The following SIK3 variants were observed in gnomAD, a reference collection of about 807,000 sequenced individuals.
SIK3 encodes the protein serine/threonine-protein kinase SIK3.
SIK3 carries 28 observed loss-of-function variants against 144.2 expected under a neutral mutation model. The observed-to-expected ratio is 0.19, with a 90% CI of 0.14 to 0.27. The LOEUF (loss-of-function observed/expected upper bound fraction) is 0.27. Among genes scored for constraint, SIK3 ranks in the 10% least tolerant of loss-of-function variants. The pLI, the probability that SIK3 is intolerant of heterozygous loss-of-function variation, is 1.00. For missense variants in SIK3, 1,319 were observed against 1,776.0 expected, an observed-to-expected ratio of 0.74 and a Z score of 4.62; for synonymous variants, 686 against 676.3, an observed-to-expected ratio of 1.01 and a Z score of -0.22.
chr11:116,933,092 T>C (rs1041279050), intron 3 of SIK3, among the ~76,000 whole-genome samples: 4 of 151,950 alleles, frequency 2.6e-5, no homozygotes, highest in Non-Finnish European at 4.4e-5. Flanking sequence ...GTCACCATAA[T>C]GTCCTTAAGA....
At chr11:117,066,630 G>C (rs1466675499) in intron 1 of SIK3, among the ~76,000 whole-genome samples, 1 of 150,354 alleles carries the variant, frequency 6.7e-6, no homozygotes, top group Non-Finnish European at 1.5e-5. Flanking sequence ...TAAACAGCTA[G>C]GCTCAAGTGA....
chr11:117,033,237 A>G (rs963767732), intron 1 of SIK3, among the ~76,000 whole-genome samples: 6 of 152,206 alleles, frequency 3.9e-5, no homozygotes, highest in African/African-American at 1.4e-4. Context: ...GCCACATTCT[A>G]TCAGCACAGC....
chr11:116,914,311 C>A (rs1215206202), intron 4 of SIK3, among the ~76,000 whole-genome samples: 1 of 150,986 alleles, frequency 6.6e-6, no homozygotes, highest in Non-Finnish European at 1.5e-5. Context: ...TGGGTTCAAG[C>A]AATTCTCCTG....
intron 1 of SIK3, among the ~76,000 whole-genome samples, chr11:116,984,089 T>C (rs1289533788): frequency 1.3e-5 from 2 of 150,058 alleles, no homozygotes; most frequent in Non-Finnish European, 1.5e-5. Context: ...CATGGTAGCA[T>C]TCAAGGTTCA....
chr11:117,098,363 C>G lies in SIK3; in HGVS notation c.53G>C (p.Gly18Ala). The change falls in exon 1 of 25, where the codon GGG (glycine) becomes GCG (alanine). Residue 18 changes from glycine to alanine, a missense_variant. Coordinates refer to ENST00000445177, the MANE Select transcript of SIK3 (RefSeq NM_001366686.3). ...GAGGAAGAGT[G>A]GAGPAGRLLP... ...CAGGCGGCCCGCGGGCCCGGCTCCC[C>G]CAGTCCCGGCCCCGGCAGCCCCGCC... 1 of 1,164,898 alleles carries G rather than the reference C, an allele frequency of 8.6e-7. No homozygotes were observed. Among genetic ancestry groups the G allele is most frequent in the Non-Finnish European group, 1.1e-6 (1 of 947,216 alleles). 72.2% of individuals were successfully genotyped at this position (1,164,898 alleles called of 1,614,324 possible). A position where few individuals can be genotyped will look rare whatever the true frequency, so the allele number is the denominator to read the frequency against.
At chr11:116,873,359 CTAAGTTTGGAGAAAAAGGAA>C in intron 13 of SIK3, 102 bp downstream of exon 13, 1 of 1,359,412 alleles carries the variant, frequency 7.4e-7, no homozygotes, top group Non-Finnish European at 1.0e-6. Flanking sequence ...CTGGAGCATC[CTAAGTTTGGAGAAAAAGGAA>C]ATTCAGACAT....
intron 1 of SIK3, among the ~76,000 whole-genome samples, chr11:117,013,613 C>T (rs989957959): frequency 3.9e-5 from 6 of 151,982 alleles, no homozygotes; most frequent in African/African-American, 1.5e-4. Flanking sequence ...AAAGGACACA[C>T]GACTCCAGTT....
chr11:116,920,450 C>G (rs927375392), intron 4 of SIK3, among the ~76,000 whole-genome samples: 2 of 152,174 alleles, frequency 1.3e-5, no homozygotes, highest in South Asian at 2.1e-4. Context: ...CAGTACCTCT[C>G]GCACAAATCA....
intron 1 of SIK3, among the ~76,000 whole-genome samples, chr11:117,008,736 TGA>T (rs1427424947): frequency 6.6e-6 from 1 of 152,180 alleles, no homozygotes; most frequent in Non-Finnish European, 1.5e-5. Flanking sequence ...GGTTAAATAA[TGA>T]ATAATCAAAT....
intron 1 of SIK3, among the ~76,000 whole-genome samples, chr11:117,093,264 T>C (rs1312813179): frequency 6.6e-6 from 1 of 152,246 alleles, no homozygotes; most frequent in East Asian, 1.9e-4. Flanking sequence ...AACTCTTCTT[T>C]AGAGGTGAAA....
At chr11:116,859,206 G>A (rs1943162892) in intron 20 of SIK3, 59 bp downstream of exon 20, 8 of 1,493,974 alleles carry the variant, frequency 5.4e-6, no homozygotes, top group East Asian at 2.3e-5. Flanking sequence ...CTCTGCTAAG[G>A]GGCTTCCTCC....
chr11:116,870,988 G>C (rs1259170752), intron 13 of SIK3, among the ~76,000 whole-genome samples: 1 of 152,202 alleles, frequency 6.6e-6, no homozygotes, highest in Non-Finnish European at 1.5e-5. Flanking sequence ...TCATATTAAT[G>C]TGATTTCCGG....
At chr11:116,949,474 C>T (rs2135358739) in intron 3 of SIK3, among the ~76,000 whole-genome samples, 1 of 152,280 alleles carries the variant, frequency 6.6e-6, no homozygotes. Flanking sequence ...AATTCTGGTT[C>T]CTTTGAAGAA....
At position 116,862,059 on chromosome 11, in the gene SIK3, C is replaced by G. The variant is rs551595354; in HGVS notation, c.2230-133G>C. On this transcript the variant is annotated intron_variant, in intron 17 of 24. Coordinates refer to ENST00000445177, the MANE Select transcript of SIK3 (RefSeq NM_001366686.3). ...ATGCTTTTGTTGTTCACCAGAAGGTCTGATTACCTTTACTCAAACATGTCA... is the reference window on the plus strand; with the variant it reads ...ATGCTTTTGTTGTTCACCAGAAGGTGTGATTACCTTTACTCAAACATGTCA... 9.0e-6 allele frequency: 12 copies of G among 1,332,462 alleles called. No individual in the cohort carries two copies. The South Asian group carries it at 1.0e-4, about 11-fold the overall frequency. 82.5% of individuals were successfully genotyped at this position (1,332,462 alleles called of 1,614,324 possible).
chr11:116,886,193 T>C (rs1944808859), intron 6 of SIK3, among the ~76,000 whole-genome samples: 1 of 152,228 alleles, frequency 6.6e-6, no homozygotes, highest in South Asian at 2.1e-4. Flanking sequence ...TCTTAACCTC[T>C]TTTCTGACAT....
At chr11:117,018,120 G>A (rs1008995765) in intron 1 of SIK3, among the ~76,000 whole-genome samples, 6 of 152,082 alleles carry the variant, frequency 3.9e-5, no homozygotes, top group Admixed American at 1.3e-4. Flanking sequence ...GGGGAAACCC[G>A]CAGCTGATAT....
At chr11:116,966,190 G>A (rs981121955) in intron 1 of SIK3, among the ~76,000 whole-genome samples, 4 of 151,998 alleles carry the variant, frequency 2.6e-5, no homozygotes, top group African/African-American at 4.8e-5. Context: ...CCAGGAGTTC[G>A]AGACCGGCCT....
chr11:116,861,154 C>T, intron 19 of SIK3, 120 bp downstream of exon 19: 1 of 791,428 alleles, frequency 1.3e-6, no homozygotes, highest in African/African-American at 1.8e-5. Flanking sequence ...CTCTAGAGTC[C>T]ATACCCCTGA....
intron 4 of SIK3, among the ~76,000 whole-genome samples, chr11:116,907,245 A>G (rs970114084): frequency 5.9e-5 from 9 of 152,272 alleles, no homozygotes; most frequent in Non-Finnish European, 1.0e-4. Flanking sequence ...GATGCAGCCT[A>G]TAACGCCAGT....
Sources: gnomAD v4.1 joint callset for allele counts (sites outside exome capture counted in the v4.1 genomes callset) on GRCh38, gnomAD v4.1.1 for gene constraint, MANE v1.5 for transcripts, NCBI Gene and HGNC (gene_info 2026-07-23, HGNC 2026-07-21) for gene names.